TAFA1: variants seen among roughly 807,000 people sequenced by gnomAD.
The protein encoded by TAFA1 is TAFA chemokine like family member 1, also known as chemokine-like protein TAFA-1.
Under a neutral mutation model 18.5 loss-of-function variants are expected in TAFA1, and 4 were observed. The ratio of observed to expected loss-of-function variants is 0.22; its 90% CI spans 0.11 to 0.49. The LOEUF is 0.49. TAFA1 is among the 20% of genes least tolerant of loss of function. TAFA1 has a pLI of 0.98. For synonymous variants in TAFA1, 56 were observed against 55.2 expected (o/e 1.01, Z -0.06); for missense variants, 147 against 169.0 (o/e 0.87, Z 0.72).
chr3:68,312,431 T>A (rs1302154398), intron 2 of TAFA1, among the ~76,000 whole-genome samples: 1 of 152,174 alleles, frequency 6.6e-6, no homozygotes, highest in Non-Finnish European at 1.5e-5. Context: ...CCAAGTCACC[T>A]CTTGAAGGCT....
intron 3 of TAFA1, among the ~76,000 whole-genome samples, chr3:68,496,053 A>T (rs930901724): frequency 4.0e-5 from 6 of 151,430 alleles, no homozygotes; most frequent in African/African-American, 1.5e-4. Context: ...TTCTCAAATC[A>T]AATATCACTG....
chr3:68,383,262 C>A (rs117420753), intron 2 of TAFA1, among the ~76,000 whole-genome samples: 1 of 55,152 alleles, frequency 1.8e-5, no homozygotes, highest in Non-Finnish European at 4.0e-5. Context: ...TTGTCTTTTG[C>A]GGGTTTTGAG....
At chr3:68,098,543 C>T (rs1559519397) in intron 2 of TAFA1, among the ~76,000 whole-genome samples, 1 of 152,174 alleles carries the variant, frequency 6.6e-6, no homozygotes, top group East Asian at 1.9e-4. Context: ...TGGTGATATG[C>T]AATGCATTGT....
At chr3:68,292,419 A>C (rs552180813) in intron 2 of TAFA1, among the ~76,000 whole-genome samples, 4 of 113,678 alleles carry the variant, frequency 3.5e-5, no homozygotes, top group South Asian at 2.7e-4. Context: ...GTCAAAAAAA[A>C]AAAACAAAAA....
At chr3:68,472,042 A>G (rs2072005472) in intron 3 of TAFA1, among the ~76,000 whole-genome samples, 1 of 152,144 alleles carries the variant, frequency 6.6e-6, no homozygotes, top group South Asian at 2.1e-4. Context: ...TTGAGAAGCC[A>G]TGATTGGTTT....
intron 2 of TAFA1, among the ~76,000 whole-genome samples, chr3:68,069,258 G>A (rs2064722107): frequency 6.6e-6 from 1 of 152,176 alleles, no homozygotes; most frequent in African/African-American, 2.4e-5. Flanking sequence ...CATGTGGCTG[G>A]GGAGGCCTTA....
chr3:68,102,710 AT>A (rs781494569), intron 2 of TAFA1, among the ~76,000 whole-genome samples: 2 of 152,314 alleles, frequency 1.3e-5, no homozygotes, highest in Non-Finnish European at 2.9e-5. Context: ...TGTTTTTACC[AT>A]TGGCCAGGAG....
At chr3:68,148,746 G>T (rs1344916607) in intron 2 of TAFA1, among the ~76,000 whole-genome samples, 1 of 152,134 alleles carries the variant, frequency 6.6e-6, no homozygotes, top group African/African-American at 2.4e-5. Context: ...CCTTCTTTGG[G>T]GAGGCAGAGC....
At chr3:68,041,225 A>T (rs1188808863) in intron 2 of TAFA1, among the ~76,000 whole-genome samples, 2 of 152,176 alleles carry the variant, frequency 1.3e-5, no homozygotes, top group African/African-American at 2.4e-5. Context: ...TTCCCGAAAG[A>T]CTCTGTGTTG....
chr3:68,539,071 A>G (rs3749218), intron 4 of TAFA1, among the ~76,000 whole-genome samples, 191 bp downstream of exon 4: 4,514 of 152,188 alleles, frequency 0.03, 211 homozygotes, highest in African/African-American at 0.092. Context: ...ACTTTCCCAC[A>G]CTGAGCAGTT....
At chr3:68,142,163 A>T (rs2106903934) in intron 2 of TAFA1, among the ~76,000 whole-genome samples, 1 of 152,354 alleles carries the variant, frequency 6.6e-6, no homozygotes, top group African/African-American at 2.4e-5. Flanking sequence ...TCCATACATG[A>T]GGAAATGCTA....
At chr3:68,143,861 T>C (rs1046084419) in intron 2 of TAFA1, among the ~76,000 whole-genome samples, 2 of 152,168 alleles carry the variant, frequency 1.3e-5, no homozygotes, top group Admixed American at 1.3e-4. Flanking sequence ...AATTCCAGGG[T>C]ACTTTTACCC....
chr3:68,228,932 C>T (rs1034016346), intron 2 of TAFA1, among the ~76,000 whole-genome samples: 1 of 152,160 alleles, frequency 6.6e-6, no homozygotes, highest in African/African-American at 2.4e-5. Context: ...AAAAGGGACA[C>T]TGGGGGAGGG....
At chr3:68,042,599 A>G (rs1024222689) in intron 2 of TAFA1, among the ~76,000 whole-genome samples, 1 of 152,216 alleles carries the variant, frequency 6.6e-6, no homozygotes, top group African/African-American at 2.4e-5. Flanking sequence ...CAGTGAGCCA[A>G]GGTTGTGCCA....
intron 2 of TAFA1, among the ~76,000 whole-genome samples, chr3:68,075,599 G>A (rs539191734): frequency 6.6e-6 from 1 of 151,926 alleles, no homozygotes; most frequent in East Asian, 1.9e-4. Context: ...TTCTAACTTA[G>A]AATTTCCCAA....
chr3:68,514,660 T>C (rs1460635181), intron 3 of TAFA1, among the ~76,000 whole-genome samples: 6 of 150,174 alleles, frequency 4.0e-5, no homozygotes, highest in Non-Finnish European at 8.9e-5. Context: ...GCCTCAGTAG[T>C]AATAAAAATG....
chr3:68,356,199 A>T (rs2106784467), intron 2 of TAFA1, among the ~76,000 whole-genome samples: 1 of 151,964 alleles, frequency 6.6e-6, no homozygotes, highest in Middle Eastern at 3.4e-3. Context: ...GAATAAAAAA[A>T]CAATTTGATA....
intron 2 of TAFA1, among the ~76,000 whole-genome samples, chr3:68,033,083 T>C (rs1477382395): frequency 2.0e-5 from 3 of 152,164 alleles, no homozygotes. Flanking sequence ...AGGTAATACC[T>C]AGTTGTGAAA....
intron 2 of TAFA1, among the ~76,000 whole-genome samples, chr3:68,325,450 A>G (rs142061650): frequency 1.4e-4 from 22 of 152,278 alleles, no homozygotes; most frequent in African/African-American, 5.3e-4. Context: ...ATTAGGCAAC[A>G]TATGTGGAGA....
Sources: gnomAD v4.1 joint callset for allele counts (sites outside exome capture counted in the v4.1 genomes callset) on GRCh38, gnomAD v4.1.1 for gene constraint, MANE v1.5 for transcripts, NCBI Gene and HGNC (gene_info 2026-07-23, HGNC 2026-07-21) for gene names.